The following CLNK variants were observed in gnomAD, a reference collection of about 807,000 sequenced individuals.
The protein encoded by CLNK is cytokine dependent hematopoietic cell linker.
A neutral mutation model predicts 68.6 loss-of-function variants in CLNK; 74 were observed. That is an observed-to-expected ratio of 1.08 (90% CI 0.89 to 1.31). CLNK has a LOEUF of 1.31. CLNK is among the 50% of genes most tolerant of loss of function. The probability of loss-of-function intolerance (pLI) is 0.00; values close to 1 mark genes in which losing one functional copy is unlikely to be tolerated. For missense variants in CLNK, 553 were observed against 515.3 expected (o/e 1.07, Z -0.71); for synonymous variants, 198 against 172.2 (o/e 1.15, Z -1.17).
At chr4:10,589,068 G>C (rs1337758445) in intron 3 of CLNK, among the ~76,000 whole-genome samples, 1 of 152,176 alleles carries the variant, frequency 6.6e-6, no homozygotes, top group African/African-American at 2.4e-5. Flanking sequence ...TTTTTGCTAA[G>C]AGAGTAAATC....
chr4:10,493,592 G>A (rs1336715125), intron 18 of CLNK, among the ~76,000 whole-genome samples: 1 of 152,124 alleles, frequency 6.6e-6, no homozygotes, highest in Non-Finnish European at 1.5e-5. Flanking sequence ...TCACCTTAGG[G>A]CTTAGGATTT....
At chr4:10,728,575 G>A in the CLNK span, among the ~76,000 whole-genome samples, 62,937 of 147,474 alleles carry the variant, frequency 0.43, 13,908 homozygotes, top group East Asian at 0.61. Flanking sequence ...TGTGTGTGAT[G>A]TATCCTTTCT....
chr4:10,516,376 C>T (rs1717836081), intron 15 of CLNK, among the ~76,000 whole-genome samples: 1 of 152,056 alleles, frequency 6.6e-6, no homozygotes, highest in Non-Finnish European at 1.5e-5. Flanking sequence ...GCTTTTGATC[C>T]ACTAAATTTT....
chr4:10,496,218 G>A (rs971813475), intron 18 of CLNK, among the ~76,000 whole-genome samples: 7 of 152,310 alleles, frequency 4.6e-5, no homozygotes, highest in African/African-American at 1.7e-4. Context: ...AAAACTACAT[G>A]AAATTAAAAT....
chr4:10,595,986 A>G (rs1721368901), intron 3 of CLNK, among the ~76,000 whole-genome samples: 1 of 152,188 alleles, frequency 6.6e-6, no homozygotes, highest in Admixed American at 6.5e-5. Context: ...AAGGTTCAAG[A>G]GATTCAATAG....
intron 7 of CLNK, among the ~76,000 whole-genome samples, chr4:10,562,880 T>G (rs1179658549): frequency 6.6e-6 from 1 of 152,220 alleles, no homozygotes; most frequent in East Asian, 1.9e-4. Flanking sequence ...TTAGCATATA[T>G]GTTTCATAAG....
At chr4:10,509,843 T>C (rs1041762283) in intron 16 of CLNK, among the ~76,000 whole-genome samples, 3 of 152,108 alleles carry the variant, frequency 2.0e-5, no homozygotes, top group Admixed American at 6.6e-5. Flanking sequence ...CACCTCTTAT[T>C]TGACCTAGTC....
intron 3 of CLNK, among the ~76,000 whole-genome samples, chr4:10,588,212 G>A (rs940915930): frequency 1.3e-5 from 2 of 152,154 alleles, no homozygotes; most frequent in Non-Finnish European, 2.9e-5. Context: ...ATCTGAGCTC[G>A]GGAATTTTGA....
At chr4:10,583,279 C>CT (rs910831995) in intron 4 of CLNK, among the ~76,000 whole-genome samples, 24 of 151,372 alleles carry the variant, frequency 1.6e-4, no homozygotes, top group African/African-American at 2.7e-4. Flanking sequence ...CTCTCTCTCT[C>CT]TTTTTTTTTC....
chr4:10,629,049 C>T (rs1000905974), intron 2 of CLNK, among the ~76,000 whole-genome samples: 3 of 152,150 alleles, frequency 2.0e-5, no homozygotes, highest in Non-Finnish European at 4.4e-5. Context: ...TGTCCTTCAA[C>T]GGAAGTCCTC....
chr4:10,642,519 G>A (rs773912531), intron 2 of CLNK, among the ~76,000 whole-genome samples: 14 of 152,192 alleles, frequency 9.2e-5, no homozygotes, highest in Non-Finnish European at 1.5e-4. Flanking sequence ...TAGAAGCAGG[G>A]AGGAAAGAAT....
At chr4:10,710,654 G>A in the CLNK span, among the ~76,000 whole-genome samples, 3 of 152,208 alleles carry the variant, frequency 2.0e-5, no homozygotes, top group Non-Finnish European at 2.9e-5. Flanking sequence ...TGGAAATGGA[G>A]CTGTGAAGTG....
chr4:10,575,108 C>G (rs764096672), intron 4 of CLNK, among the ~76,000 whole-genome samples: 1 of 152,154 alleles, frequency 6.6e-6, no homozygotes, highest in Admixed American at 6.5e-5. Flanking sequence ...TCCACTTGTC[C>G]GTATTGTATT....
chr4:10,540,680 C>T (rs1349605116), intron 10 of CLNK, 76 bp from the exon 11 acceptor site: 10 of 979,738 alleles, frequency 1.0e-5, no homozygotes, highest in African/African-American at 3.2e-5. Flanking sequence ...ATCCACACTG[C>T]TCTGCCCTCC....
At chr4:10,721,395 A>T in the CLNK span, among the ~76,000 whole-genome samples, 2 of 152,348 alleles carry the variant, frequency 1.3e-5, no homozygotes, top group Admixed American at 6.5e-5. Flanking sequence ...CTCTACAATC[A>T]TCTGAAATTT....
chr4:10,569,188 C>CTTT lies in CLNK; in HGVS notation c.150+2550_150+2552dup, dbSNP rs57423330. On this transcript the variant is annotated intron_variant, in intron 5 of 18. Coordinates refer to ENST00000226951, the MANE Select transcript of CLNK (RefSeq NM_052964.4). ...CCCAAGTGAATTGGCCAAGACTGCCCTTTTTTTTTTTTTTTTTTGGTCATT... is the reference window on the plus strand; with the variant it reads ...CCCAAGTGAATTGGCCAAGACTGCCCTTTTTTTTTTTTTTTTTTTTTGGTCATT... Among the ~76,000 whole-genome samples the CTTT allele has an allele frequency of 7.6e-3, 939 of 124,328 alleles. 19 individuals are homozygous for CTTT. The highest frequency in any genetic ancestry group is 0.025 in the African/African-American group (811 of 32,664). The allele number at this position is 124,328 out of a possible 152,430, so 81.6% of individuals were successfully genotyped here. A position where few individuals can be genotyped will look rare whatever the true frequency, so the allele number is the denominator to read the frequency against.
chr4:10,703,868 A>G, the CLNK span, among the ~76,000 whole-genome samples: 1 of 152,216 alleles, frequency 6.6e-6, no homozygotes, highest in African/African-American at 2.4e-5. Flanking sequence ...TTATAACCTT[A>G]TGGGACCACT....
At position 10,584,970 on chromosome 4, in the gene CLNK, A is replaced by G; in HGVS notation, c.84-15T>C. 6.2e-7 allele frequency: 1 copy of G among 1,613,570 alleles called. No homozygotes were observed. The highest frequency in any genetic ancestry group is 1.1e-5 in the South Asian group (1 of 90,880). ...GAGGCCATGACCTAGGGCAGAAAAG[A>G]GAACCAAGTTAAATGTCCATTGCTC... is the stretch of plus-strand genomic sequence containing the variant. On this transcript the variant is annotated splice_polypyrimidine_tract_variant and intron_variant, in intron 3 of 18. Transcript: ENST00000226951.
intron 3 of CLNK, among the ~76,000 whole-genome samples, chr4:10,591,223 C>T (rs1721167206): frequency 6.6e-6 from 1 of 152,138 alleles, no homozygotes; most frequent in Non-Finnish European, 1.5e-5. Flanking sequence ...GAACACACAG[C>T]ATTGATTTGA....
Sources: gnomAD v4.1 joint callset for allele counts (sites outside exome capture counted in the v4.1 genomes callset) on GRCh38, gnomAD v4.1.1 for gene constraint, MANE v1.5 for transcripts, NCBI Gene and HGNC (gene_info 2026-07-23, HGNC 2026-07-21) for gene names.